The following ANKRD36B variants were observed in gnomAD, a reference collection of about 807,000 sequenced individuals.
ANKRD36B encodes ankyrin repeat domain 36B, also known as ankyrin repeat domain-containing protein 36B.
In ANKRD36B, 37 loss-of-function variants were observed where a neutral mutation model predicts 135.7. The ratio of observed to expected loss-of-function variants is 0.27; its 90% CI spans 0.21 to 0.36. The LOEUF (loss-of-function observed/expected upper bound fraction) is 0.36, where lower values mean the gene tolerates loss of function less well. ANKRD36B is among the 10% of genes least tolerant of loss of function. ANKRD36B has a pLI of 1.00. For synonymous variants in ANKRD36B, 179 were observed against 348.1 expected, an observed-to-expected ratio of 0.51 and a Z score of 5.41; for missense variants, 549 against 1,037.1, an observed-to-expected ratio of 0.53 and a Z score of 6.46.
At chr2:97,560,801 T>C in intron 7 of ANKRD36B, 31 bp downstream of exon 7, 1 of 1,583,488 alleles carries the variant, frequency 6.3e-7, no homozygotes, top group African/African-American at 1.4e-5. Context: ...ATACAGTTAA[T>C]AGTTCAACAT....
intron 6 of ANKRD36B, among the ~76,000 whole-genome samples, chr2:97,562,105 T>G (rs62154350): frequency 6.6e-6 from 1 of 151,950 alleles, no homozygotes; most frequent in Non-Finnish European, 1.5e-5. Flanking sequence ...ACCTTCTCAC[T>G]GTCTCTTCGT....
chr2:97,573,070 C>G (rs1026869340), intron 6 of ANKRD36B, among the ~76,000 whole-genome samples: 3 of 152,044 alleles, frequency 2.0e-5, no homozygotes, highest in African/African-American at 4.8e-5. Context: ...CCACTCCCCC[C>G]ACCCCACAAC....
rs762439190 is a variant in ANKRD36B, at chr2:97,539,275, C to T, written c.1987+759G>A. On this transcript the variant is annotated intron_variant, in intron 30 of 43. Transcript: ENST00000359901. The stretch of plus-strand genomic sequence containing the variant: ...CATTTTCATTAAATTGCTATTTTAT[C>T]CAAAGTTAGCTAATTGAAAAGCCAA... 1.6e-4 allele frequency among the ~76,000 whole-genome samples: 15 copies of T among 96,710 alleles called. 6 individuals carry two copies. 63.4% of individuals were successfully genotyped at this position (96,710 alleles called of 152,430 possible). A position where few individuals can be genotyped will look rare whatever the true frequency, so the allele number is the denominator to read the frequency against.
intron 5 of ANKRD36B, among the ~76,000 whole-genome samples, chr2:97,578,495 A>G (rs1458515743): frequency 6.6e-6 from 1 of 152,050 alleles, no homozygotes; most frequent in Non-Finnish European, 1.5e-5. Flanking sequence ...GAAAAATTCC[A>G]TGATCAGGCT....
chr2:97,543,535 C>T (rs2079262211), intron 26 of ANKRD36B, among the ~76,000 whole-genome samples: 2 of 96,420 alleles, frequency 2.1e-5, no homozygotes, highest in South Asian at 4.7e-4. Flanking sequence ...CCCCTGAGCC[C>T]CTTATGTCTT....
At chr2:97,575,929 T>C (rs917574178) in intron 6 of ANKRD36B, among the ~76,000 whole-genome samples, 9 of 151,780 alleles carry the variant, frequency 5.9e-5, no homozygotes, top group Non-Finnish European at 1.2e-4. Context: ...ATACCAAATA[T>C]GTATTTTCAA....
intron 20 of ANKRD36B, 89 bp from the exon 21 acceptor site, chr2:97,547,820 C>T (rs1226009510): frequency 8.6e-6 from 13 of 1,503,684 alleles, no homozygotes; most frequent in Middle Eastern, 4.7e-4. Flanking sequence ...CAACCTCTGT[C>T]TTCCTGCCTG....
Position 97,528,066 on chromosome 2 carries a change from A to G in ANKRD36B, c.2265+4245T>C, listed in dbSNP as rs2104422893. On this transcript the variant is annotated intron_variant, in intron 35 of 43. Coordinates refer to ENST00000359901, the MANE Select transcript of ANKRD36B (RefSeq NM_001393939.1). Reference sequence around the variant, plus strand: ...CACCAAGTGGACCTAATAGACATCTACAGAACTCTCCACCCCAAATCAACA... The same window carrying G: ...CACCAAGTGGACCTAATAGACATCTGCAGAACTCTCCACCCCAAATCAACA... 2.1e-5 allele frequency among the ~76,000 whole-genome samples: 2 copies of G among 96,158 alleles called. 1 individual carries two copies. The highest frequency in any genetic ancestry group is 4.6e-4 in the East Asian group (2 of 4,312). 63.1% of individuals were successfully genotyped at this position (96,158 alleles called of 152,430 possible).
chr2:97,566,649 T>C (rs1266604761), intron 6 of ANKRD36B, among the ~76,000 whole-genome samples: 1 of 152,016 alleles, frequency 6.6e-6, no homozygotes, highest in Non-Finnish European at 1.5e-5. Flanking sequence ...TGACAGAAAA[T>C]GGCATCATTA....
chr2:97,562,688 C>A (rs925535803), intron 6 of ANKRD36B, among the ~76,000 whole-genome samples: 1 of 151,964 alleles, frequency 6.6e-6, no homozygotes, highest in Admixed American at 6.6e-5. Flanking sequence ...GATTCTTTGA[C>A]CTCCACATTC....
intron 34 of ANKRD36B, among the ~76,000 whole-genome samples, chr2:97,535,483 TAA>T (rs762698940): frequency 0.058 from 4,364 of 75,604 alleles, 16 homozygotes; most frequent in Non-Finnish European, 0.088. Flanking sequence ...AACAAAAAAA[TAA>T]AACACACACA....
intron 14 of ANKRD36B, among the ~76,000 whole-genome samples, chr2:97,554,231 G>A (rs2104695095): frequency 6.6e-6 from 1 of 151,972 alleles, no homozygotes; most frequent in South Asian, 2.1e-4. Flanking sequence ...TTTTAAAATT[G>A]TCTTGTTAGG....
intron 6 of ANKRD36B, among the ~76,000 whole-genome samples, chr2:97,573,067 C>G (rs1176691034): frequency 6.6e-6 from 1 of 151,984 alleles, no homozygotes; most frequent in Non-Finnish European, 1.5e-5. Flanking sequence ...TCCCCACTCC[C>G]CCCACCCCAC....
chr2:97,584,372 C>G (rs1474689928), intron 3 of ANKRD36B, among the ~76,000 whole-genome samples: 1 of 125,230 alleles, frequency 8.0e-6, no homozygotes, highest in African/African-American at 3.4e-5. Context: ...CAAAAACCCT[C>G]TCCACAGTAT....
Position 97,532,301 on chromosome 2 carries a change from T to A in ANKRD36B, c.2265+10A>T, listed in dbSNP as rs1328879621. On this transcript the variant is annotated intron_variant, in intron 35 of 43. Transcript: ENST00000359901. ...TTAAACCAGAAATTTGATTTTAAAT[T>A]TTTACATACCTGTGGCTGGTTATTT... The A allele has an allele frequency of 3.2e-6, 2 of 625,218 alleles. 1 individual carries two copies. Among genetic ancestry groups the A allele is most frequent in the Non-Finnish European group, 5.4e-6 (2 of 367,698 alleles). The allele number at this position is 625,218 out of a possible 1,614,324, so 38.7% of individuals were successfully genotyped here. A position where few individuals can be genotyped will look rare whatever the true frequency, so the allele number is the denominator to read the frequency against.
chr2:97,523,321 C>T lies in ANKRD36B; in HGVS notation c.2407+5G>A. ...AAAAGCCTTATATTTATGCATTGGT[C>T]CTACCTTTACACTTCATTTCATGTT... On this transcript the variant is annotated splice_donor_5th_base_variant and intron_variant, in intron 36 of 43. Transcript: ENST00000359901. 2.2e-6 allele frequency: 1 copy of T among 445,876 alleles called. No homozygotes were observed. The allele number at this position is 445,876 out of a possible 1,614,324, so 27.6% of individuals were successfully genotyped here. A position where few individuals can be genotyped will look rare whatever the true frequency, so the allele number is the denominator to read the frequency against.
In ANKRD36B at chr2:97,537,250, C is replaced by T. The variant is rs2078938212; in HGVS notation, c.2090-754G>A. Among the ~76,000 whole-genome samples the T allele has an allele frequency of 2.1e-5, 2 of 96,178 alleles. 1 individual carries two copies. Among genetic ancestry groups the T allele is most frequent in the Non-Finnish European group, 5.5e-5 (2 of 36,250 alleles). 63.1% of individuals were successfully genotyped at this position (96,178 alleles called of 152,430 possible). On this transcript the variant is annotated intron_variant, in intron 32 of 43. Transcript: ENST00000359901. ...CAGGCATTAGATATTAATAAACTTA[C>T]ACATTTGGAAATCAGTCCAATATTC...
At chr2:97,560,620 T>A in intron 8 of ANKRD36B, 45 bp downstream of exon 8, 1 of 1,596,326 alleles carries the variant, frequency 6.3e-7, no homozygotes, top group Non-Finnish European at 8.5e-7. Context: ...GAATTTCTCT[T>A]CTATCTTGAT....
At chr2:97,566,476 A>C (rs2081439584) in intron 6 of ANKRD36B, among the ~76,000 whole-genome samples, 1 of 152,190 alleles carries the variant, frequency 6.6e-6, no homozygotes, top group Non-Finnish European at 1.5e-5. Flanking sequence ...TATTATTTAT[A>C]CTATTTGTAG....
Sources: gnomAD v4.1 joint callset for allele counts (sites outside exome capture counted in the v4.1 genomes callset) on GRCh38, gnomAD v4.1.1 for gene constraint, MANE v1.5 for transcripts, NCBI Gene and HGNC (gene_info 2026-07-23, HGNC 2026-07-21) for gene names.